The following VIT variants were observed in gnomAD, a reference collection of about 807,000 sequenced individuals.
VIT encodes vitrin.
A neutral mutation model predicts 78.0 loss-of-function variants in VIT; 99 were observed. The observed-to-expected ratio is 1.27, with a 90% confidence interval of 1.08 to 1.50. The LOEUF (loss-of-function observed/expected upper bound fraction) is 1.50. VIT is among the 40% of genes most tolerant of loss of function. The pLI, the probability that VIT is intolerant of heterozygous loss-of-function variation, is 0.00. For synonymous variants in VIT, 374 were observed against 334.3 expected, an observed-to-expected ratio of 1.12 and a Z score of -1.29; for missense variants, 1,126 against 875.3, an observed-to-expected ratio of 1.29 and a Z score of -3.61.
chr2:36,804,850 T>C (rs1031555843), intron 13 of VIT, among the ~76,000 whole-genome samples: 20 of 152,014 alleles, frequency 1.3e-4, no homozygotes, highest in Non-Finnish European at 2.8e-4. Context: ...AAAAAAGTCT[T>C]TCTCACCTGC....
chr2:36,748,623 T>C (rs1330246278), intron 4 of VIT, among the ~76,000 whole-genome samples: 1 of 152,226 alleles, frequency 6.6e-6, no homozygotes, highest in Non-Finnish European at 1.5e-5. Context: ...TATGTAGTCT[T>C]TCAAGTCTTG....
intron 9 of VIT, among the ~76,000 whole-genome samples, chr2:36,776,817 G>A (rs1200052569): frequency 6.0e-5 from 9 of 151,064 alleles, no homozygotes; most frequent in South Asian, 2.1e-4. Context: ...ATGGCCTGGC[G>A]CGGTGGCTCA....
chr2:36,701,232 G>A (rs1368598392), intron 1 of VIT, among the ~76,000 whole-genome samples: 1 of 152,148 alleles, frequency 6.6e-6, no homozygotes, highest in Non-Finnish European at 1.5e-5. Context: ...GTCATTCTTG[G>A]ATAATCTCCT....
At chr2:36,768,344 G>C (rs1285472819) in intron 7 of VIT, among the ~76,000 whole-genome samples, 1 of 152,074 alleles carries the variant, frequency 6.6e-6, no homozygotes. Flanking sequence ...AAGCTGGAGA[G>C]TCGCTTGAAC....
chr2:36,794,915 C>G (rs1267120688), intron 12 of VIT, among the ~76,000 whole-genome samples: 2 of 151,842 alleles, frequency 1.3e-5, no homozygotes, highest in African/African-American at 4.8e-5. Flanking sequence ...CATCTGTATG[C>G]CTCTGAAGAT....
At position 36,805,496 on chromosome 2, in the gene VIT, C is replaced by G; in HGVS notation, c.1221C>G (p.Ser407Arg). The G allele has an allele frequency of 6.2e-7, 1 of 1,613,880 alleles. No homozygotes were observed. The highest frequency in any genetic ancestry group is 8.5e-7 in the Non-Finnish European group (1 of 1,179,922). ...TTTCCAAAGCCAATGGAAACAGAAGCGGGGCTCCCAATGTGGTGGTGGTGA... is the reference window on the plus strand; with the variant it reads ...TTTCCAAAGCCAATGGAAACAGAAGGGGGGCTCCCAATGTGGTGGTGGTGA... Reference protein sequence around the residue: ...NFFSKANGNRSGAPNVVVVMV... With the variant: ...NFFSKANGNRRGAPNVVVVMV... The change falls in exon 14 of 16, where the codon AGC becomes AGG. Residue 407 changes from serine to arginine, a missense_variant. Coordinates refer to ENST00000379242, the MANE Select transcript of VIT (RefSeq NM_053276.4).
At position 36,808,666 on chromosome 2, in the gene VIT, C is replaced by A; in HGVS notation, c.1584C>A (p.Thr528=). The A allele has an allele frequency of 3.1e-6, 5 of 1,614,208 alleles. No individual in the cohort carries two copies. The highest frequency in any genetic ancestry group is 3.3e-4 in the Middle Eastern group (2 of 6,062). The stretch of plus-strand genomic sequence containing the variant: ...GTGTGGGGACGGGCAACTTCCGCAC[C>A]GTCCTCCAGTTTGTGACCAACCTCA... ...SSSVGTGNFR[T]VLQFVTNLTK... The change falls in exon 15 of 16, where the codon ACC becomes ACA. Residue 528 remains threonine, a synonymous_variant. Coordinates refer to ENST00000379242, the MANE Select transcript of VIT (RefSeq NM_053276.4).
At chr2:36,733,350 CT>C (rs371097063) in intron 3 of VIT, among the ~76,000 whole-genome samples, 10 of 151,136 alleles carry the variant, frequency 6.6e-5, no homozygotes, top group Admixed American at 1.3e-4. Context: ...CTCTCCCCCC[CT>C]CTCTCTCTCT....
chr2:36,759,801 T>A, intron 6 of VIT: 1 of 455,956 alleles, frequency 2.2e-6, no homozygotes, highest in Non-Finnish European at 2.9e-6. Context: ...GAACTTAGCA[T>A]TTATTGAGCA....
rs946307383 is a variant in VIT, at chr2:36,772,655, T to C, written c.680-1136T>C. Among the ~76,000 whole-genome samples the C allele has an allele frequency of 2.0e-5, 3 of 152,214 alleles. No individual in the cohort carries two copies. In the East Asian group the frequency reaches 5.8e-4, roughly 29 times the overall value. On this transcript the variant is annotated intron_variant, in intron 7 of 15. Transcript: ENST00000379242. ...CCAGGAGTTCAAGGCTGCAGTGAGC[T>C]ATGATCACACCACTGTACCCCAGCC...
At chr2:36,784,861 C>G (rs1271670815) in intron 11 of VIT, among the ~76,000 whole-genome samples, 2 of 152,202 alleles carry the variant, frequency 1.3e-5, no homozygotes, top group Non-Finnish European at 2.9e-5. Context: ...GGGTCTCAGT[C>G]AAAACATGCC....
intron 2 of VIT, among the ~76,000 whole-genome samples, chr2:36,725,610 G>T (rs1437259267): frequency 3.1e-5 from 3 of 97,400 alleles, no homozygotes; most frequent in Non-Finnish European, 5.7e-5. Flanking sequence ...GGTGGGGGGG[G>T]GGTGGGTAAA....
intron 4 of VIT, among the ~76,000 whole-genome samples, chr2:36,746,147 G>A (rs1406216686): frequency 2.6e-5 from 4 of 152,170 alleles, no homozygotes; most frequent in Non-Finnish European, 5.9e-5. Context: ...TGCATCCCAG[G>A]AATAAAGCCT....
At chr2:36,774,218 TTC>T (rs1436485104) in intron 8 of VIT, among the ~76,000 whole-genome samples, 2 of 152,052 alleles carry the variant, frequency 1.3e-5, no homozygotes, top group Admixed American at 6.6e-5. Context: ...AGGATTTTTT[TTC>T]TCTCTTTTTT....
chr2:36,709,139 A>G (rs763954555), intron 1 of VIT, among the ~76,000 whole-genome samples: 4 of 152,136 alleles, frequency 2.6e-5, no homozygotes, highest in Admixed American at 2.6e-4. Flanking sequence ...GACAGAGCGA[A>G]ACTCCGTCTC....
chr2:36,727,455 A>T (rs1055019971), intron 2 of VIT, among the ~76,000 whole-genome samples: 1 of 152,154 alleles, frequency 6.6e-6, no homozygotes, highest in African/African-American at 2.4e-5. Flanking sequence ...TGCTCATCCC[A>T]CCTCCATCAT....
At chr2:36,757,584 T>A (rs1029454144) in intron 5 of VIT, among the ~76,000 whole-genome samples, 4 of 152,258 alleles carry the variant, frequency 2.6e-5, no homozygotes, top group African/African-American at 9.6e-5. Flanking sequence ...TCAGTCATTG[T>A]CATTTGGAGC....
chr2:36,771,783 TCA>T (rs955822026), intron 7 of VIT, among the ~76,000 whole-genome samples: 2 of 152,154 alleles, frequency 1.3e-5, no homozygotes, highest in Non-Finnish European at 2.9e-5. Flanking sequence ...TACTTATTTA[TCA>T]CTAGAAGAAT....
At chr2:36,715,549 A>T (rs538165146) in intron 1 of VIT, among the ~76,000 whole-genome samples, 8 of 152,190 alleles carry the variant, frequency 5.3e-5, no homozygotes, top group East Asian at 3.9e-4. Flanking sequence ...AAAAAAATAA[A>T]AAAAAAAAAG....
Sources: gnomAD v4.1 joint callset for allele counts (sites outside exome capture counted in the v4.1 genomes callset) on GRCh38, gnomAD v4.1.1 for gene constraint, MANE v1.5 for transcripts, NCBI Gene and HGNC (gene_info 2026-07-23, HGNC 2026-07-21) for gene names.